The following KIF26B variants were observed in gnomAD, a reference collection of about 807,000 sequenced individuals.
The protein encoded by KIF26B is kinesin-like protein KIF26B.
KIF26B carries 63 observed loss-of-function variants against 151.2 expected under a neutral mutation model. The observed-to-expected ratio is 0.42, with a 90% CI of 0.34 to 0.51. KIF26B has a LOEUF of 0.51. Among genes scored for constraint, KIF26B ranks in the 20% least tolerant of loss-of-function variants. The pLI, the probability that KIF26B is intolerant of heterozygous loss-of-function variation, is 0.07. For missense variants in KIF26B, 2,813 were observed against 2,913.6 expected (o/e 0.97, Z 0.79); for synonymous variants, 1,357 against 1,262.1 (o/e 1.08, Z -1.59).
intron 5 of KIF26B, among the ~76,000 whole-genome samples, chr1:245,579,462 C>T (rs541105758): frequency 2.0e-5 from 3 of 152,114 alleles, no homozygotes; most frequent in Admixed American, 1.3e-4. Context: ...TGTACCACTG[C>T]ACTCCAGCCT....
chr1:245,645,533 C>T (rs61006495), intron 9 of KIF26B, among the ~76,000 whole-genome samples: 17,000 of 152,176 alleles, frequency 0.11, 1,052 homozygotes, highest in African/African-American at 0.17. Context: ...GCTTATGATT[C>T]TACTGTGGGA....
In KIF26B at chr1:245,155,355, T is replaced by A; in HGVS notation, c.-70T>A. The A allele has an allele frequency of 7.6e-7, 1 of 1,318,732 alleles. No individual in the cohort carries two copies. The highest frequency in any genetic ancestry group is 1.1e-6 in the Non-Finnish European group (1 of 931,958). The allele number at this position is 1,318,732 out of a possible 1,614,324, so 81.7% of individuals were successfully genotyped here. On this transcript the variant is annotated 5_prime_UTR_variant, in exon 1 of 15. Coordinates refer to ENST00000407071, the MANE Select transcript of KIF26B (RefSeq NM_018012.4). Reference sequence around the variant, plus strand: ...CAGCCCCCTGCAGCCGGGGGACGCTTCTGGGTTGGAGGACCTTCTGGATGT... The same window carrying A: ...CAGCCCCCTGCAGCCGGGGGACGCTACTGGGTTGGAGGACCTTCTGGATGT...
chr1:245,204,732 C>G (rs1357694145), intron 2 of KIF26B, among the ~76,000 whole-genome samples: 9 of 152,010 alleles, frequency 5.9e-5, no homozygotes, highest in Admixed American at 4.6e-4. Flanking sequence ...AGCAAATAAT[C>G]CCCTTAAAAA....
chr1:245,480,206 G>A (rs1464595119), intron 4 of KIF26B, among the ~76,000 whole-genome samples: 1 of 150,398 alleles, frequency 6.6e-6, no homozygotes, highest in Non-Finnish European at 1.5e-5. Flanking sequence ...TTGAGCCTGG[G>A]AAGTCAGGGC....
intron 4 of KIF26B, among the ~76,000 whole-genome samples, chr1:245,436,299 A>C (rs944495494): frequency 1.3e-5 from 2 of 152,038 alleles, no homozygotes; most frequent in Non-Finnish European, 1.5e-5. Flanking sequence ...GCAGTCTCCT[A>C]CCTCTGCTAC....
chr1:245,630,512 C>T (rs2043769505), intron 9 of KIF26B, among the ~76,000 whole-genome samples: 1 of 152,120 alleles, frequency 6.6e-6, no homozygotes, highest in Non-Finnish European at 1.5e-5. Context: ...CGTTGTCACT[C>T]ATAAGCGGGA....
At chr1:245,404,380 C>T (rs543703568) in intron 3 of KIF26B, among the ~76,000 whole-genome samples, 2 of 152,160 alleles carry the variant, frequency 1.3e-5, no homozygotes, top group South Asian at 2.1e-4. Flanking sequence ...GATGAACTCC[C>T]GGGTCCAACT....
rs2103141333 is a variant in KIF26B, at chr1:245,597,044, C to T, written c.1351-5533C>T. 6.6e-6 allele frequency among the ~76,000 whole-genome samples: 1 copy of T among 152,260 alleles called. No individual in the cohort carries two copies. Among genetic ancestry groups the T allele is most frequent in the Middle Eastern group, 3.4e-3 (1 of 294 alleles). ...GCTATGTGTGACTCAGATGGGTCTCCTGAATACAGCACCCTGATGGGTCTT... is the reference window on the plus strand; with the variant it reads ...GCTATGTGTGACTCAGATGGGTCTCTTGAATACAGCACCCTGATGGGTCTT... On this transcript the variant is annotated intron_variant, in intron 5 of 14. Coordinates refer to ENST00000407071, the MANE Select transcript of KIF26B (RefSeq NM_018012.4). The surrounding 1 kb of genome is among the most constrained non-coding windows in gnomAD (Gnocchi z 4.6).
chr1:245,411,410 A>G (rs935380633), intron 3 of KIF26B, among the ~76,000 whole-genome samples: 1 of 152,234 alleles, frequency 6.6e-6, no homozygotes, highest in Non-Finnish European at 1.5e-5. Context: ...ACTGACAAAC[A>G]CAGACGCTGC....
At chr1:245,616,423 C>T (rs6656905) in intron 9 of KIF26B, among the ~76,000 whole-genome samples, 4,816 of 152,250 alleles carry the variant, frequency 0.032, 132 homozygotes, top group African/African-American at 0.063. Flanking sequence ...CATAACGACG[C>T]GTGTACTGGG....
intron 12 of KIF26B, among the ~76,000 whole-genome samples, chr1:245,690,941 G>A (rs1395594070): frequency 6.6e-6 from 1 of 152,194 alleles, no homozygotes; most frequent in African/African-American, 2.4e-5. Context: ...AAAATAACAA[G>A]CAGGAAAGCA....
chr1:245,478,832 G>A (rs1188820784), intron 4 of KIF26B, among the ~76,000 whole-genome samples: 1 of 151,806 alleles, frequency 6.6e-6, no homozygotes, highest in Non-Finnish European at 1.5e-5. Context: ...GGGTGAGAGT[G>A]GTGATGGATC....
intron 3 of KIF26B, among the ~76,000 whole-genome samples, chr1:245,381,294 G>A (rs772397039): frequency 2.0e-5 from 3 of 152,138 alleles, no homozygotes; most frequent in Non-Finnish European, 4.4e-5. Flanking sequence ...GCTGAGGAAT[G>A]TTTGTTGTTG....
chr1:245,183,854 A>G (rs1668948143), intron 2 of KIF26B, among the ~76,000 whole-genome samples: 1 of 152,096 alleles, frequency 6.6e-6, no homozygotes. Flanking sequence ...CGATTAAGCC[A>G]TAATGGCACC....
chr1:245,685,572 C>T lies in KIF26B; in HGVS notation c.2589C>T (p.Asp863=), dbSNP rs371690228. The change falls in exon 12 of 15, where the codon GAC becomes GAT. Residue 863 remains aspartate (D), a synonymous_variant. Transcript: ENST00000407071. ...CCTCCAGCAGCGAGCAGTCCTGCGA[C>T]ACCGTCATCTACATCGGGCCCAACG... is the stretch of plus-strand genomic sequence containing the variant. ...DYSSSSEQSC[D]TVIYIGPNGT... is the part of the protein sequence containing the mutation. The T allele has an allele frequency of 1.2e-6, 2 of 1,613,904 alleles. No individual in the cohort carries two copies. The highest frequency in any genetic ancestry group is 1.7e-6 in the Non-Finnish European group (2 of 1,179,890).
chr1:245,607,735 G>A lies in KIF26B; in HGVS notation c.1642G>A (p.Ala548Thr), dbSNP rs1431227540. ...TGGCTGCGTGTTCTGTTTCGGCCAC[G>A]CCAAACTGGGTTCGTGAGAGTTTCA... ...ADGCVFCFGH[A>T]KLGKSYTMIG... The change falls in exon 7 of 15, where the codon GCC becomes ACC. Residue 548 changes from alanine (A) to threonine (T), a missense_variant. Coordinates refer to ENST00000407071, the MANE Select transcript of KIF26B (RefSeq NM_018012.4). The A allele has an allele frequency of 5.6e-6, 9 of 1,611,382 alleles. No homozygotes were observed. The highest frequency in any genetic ancestry group is 1.7e-5 in the Admixed American group (1 of 59,700).
chr1:245,489,620 A>T (rs893581202), intron 4 of KIF26B, among the ~76,000 whole-genome samples: 14 of 152,210 alleles, frequency 9.2e-5, no homozygotes, highest in African/African-American at 3.1e-4. Flanking sequence ...TGCAGAAAAA[A>T]TGATTTATTT....
chr1:245,280,486 G>A (rs1258564967), intron 2 of KIF26B, among the ~76,000 whole-genome samples: 2 of 128,978 alleles, frequency 1.6e-5, no homozygotes, highest in Non-Finnish European at 1.5e-5. Context: ...AGCCGAGATC[G>A]CACCACTGCA....
intron 4 of KIF26B, among the ~76,000 whole-genome samples, chr1:245,476,329 T>G (rs1660036518): frequency 6.6e-6 from 1 of 151,786 alleles, no homozygotes; most frequent in Non-Finnish European, 1.5e-5. Flanking sequence ...GATTACATCA[T>G]TACATGCATA....
Sources: gnomAD v4.1 joint callset for allele counts (sites outside exome capture counted in the v4.1 genomes callset) on GRCh38, gnomAD v4.1.1 for gene constraint, Gnocchi (gnomAD v3.1) non-coding constraint, MANE v1.5 for transcripts, NCBI Gene and HGNC (gene_info 2026-07-23, HGNC 2026-07-21) for gene names.